The following GPC4 variants were observed in gnomAD, a reference collection of about 807,000 sequenced individuals.
The protein encoded by GPC4 is glypican 4, also known as glypican-4.
GPC4 carries 10 observed loss-of-function variants against 35.0 expected under a neutral mutation model. The observed-to-expected ratio is 0.29, with a 90% CI of 0.18 to 0.48. GPC4 has a LOEUF of 0.48. Ranked by LOEUF, GPC4 falls within the 20% of genes least tolerant of loss-of-function variation. The probability of loss-of-function intolerance (pLI) is 0.99; values close to 1 mark genes in which losing one functional copy is unlikely to be tolerated. For synonymous variants in GPC4, 167 were observed against 170.2 expected (o/e 0.98, Z 0.15); for missense variants, 322 against 451.3 (o/e 0.71, Z 2.60).
intron 2 of GPC4, among the ~76,000 whole-genome samples, chrX:133,332,848 A>G (rs925914428): frequency 8.9e-6 from 1 of 112,636 alleles, no homozygotes. Context: ...ATAAGTGTTT[A>G]TGCAGATCTT....
intron 1 of GPC4, among the ~76,000 whole-genome samples, chrX:133,385,117 A>G (rs1203311961): frequency 8.9e-6 from 1 of 112,452 alleles, no homozygotes; most frequent in African/African-American, 3.2e-5. Flanking sequence ...CTGTGAGTGA[A>G]TAAAGTAAGT....
At chrX:133,359,617 T>A (rs904896694) in intron 1 of GPC4, among the ~76,000 whole-genome samples, 5 of 111,109 alleles carry the variant, frequency 4.5e-5, no homozygotes, top group Middle Eastern at 4.6e-3. Context: ...AGGGCTAAAA[T>A]GGAGATGGTG....
At chrX:133,303,954 G>GAAGGAAGGAAGGAAGGAAGGAAGC (rs1315046942) in intron 7 of GPC4, among the ~76,000 whole-genome samples, 27 of 108,200 alleles carry the variant, frequency 2.5e-4, no homozygotes, top group African/African-American at 7.8e-4. Context: ...AGGAAGGAAG[G>GAAGGAAGGAAGGAAGGAAGGAAGC]AAGCTAGCTA....
intron 1 of GPC4, among the ~76,000 whole-genome samples, chrX:133,364,746 T>C (rs1235940698): frequency 1.8e-5 from 2 of 112,007 alleles, no homozygotes; most frequent in Non-Finnish European, 3.8e-5. Flanking sequence ...CATAATCAAC[T>C]CTCAGGATCA....
At chrX:133,368,317 A>T (rs2068598689) in intron 1 of GPC4, among the ~76,000 whole-genome samples, 1 of 111,557 alleles carries the variant, frequency 9.0e-6, no homozygotes, top group East Asian at 2.8e-4. Context: ...AATTATGTGG[A>T]TAGCCAACCT....
intron 3 of GPC4, among the ~76,000 whole-genome samples, chrX:133,319,589 T>C (rs752625530): frequency 2.9e-4 from 32 of 109,122 alleles, no homozygotes; most frequent in Non-Finnish European, 5.1e-4. Context: ...CCGAAGCAAT[T>C]AATATTACTG....
At chrX:133,384,711 G>A (rs1569354075) in intron 1 of GPC4, among the ~76,000 whole-genome samples, 1 of 111,746 alleles carries the variant, frequency 8.9e-6, no homozygotes, top group African/African-American at 3.3e-5. Context: ...AAAAAGGAGT[G>A]CTGAGAAGCT....
intron 1 of GPC4, among the ~76,000 whole-genome samples, chrX:133,344,256 G>T (rs1454286938): frequency 1.6e-4 from 8 of 49,802 alleles, no homozygotes; most frequent in East Asian, 6.8e-4. Flanking sequence ...ATGGAGTTTC[G>T]CTCCTGTTGC....
intron 1 of GPC4, among the ~76,000 whole-genome samples, chrX:133,350,271 C>T (rs1444733966): frequency 9.0e-6 from 1 of 111,310 alleles, no homozygotes; most frequent in Non-Finnish European, 1.9e-5. Context: ...GCCTGTAATC[C>T]TAGCACTTTG....
Position 133,321,006 on chromosome X carries a change from C to A in GPC4, c.711+3139G>T, listed in dbSNP as rs183431824. Among the ~76,000 whole-genome samples the A allele has an allele frequency of 2.3e-4, 26 of 111,607 alleles. No individual in the cohort carries two copies. The South Asian group carries it at 7.9e-3, about 34-fold the overall frequency. On this transcript the variant is annotated intron_variant, in intron 3 of 8. Coordinates refer to ENST00000370828, the MANE Select transcript of GPC4 (RefSeq NM_001448.3). Reference sequence around the variant, plus strand: ...GCAGTGAGCTATGATTGTGCCACTGCGCTCCAGCCTGGGTGAAAGAGCAAG... The same window carrying A: ...GCAGTGAGCTATGATTGTGCCACTGAGCTCCAGCCTGGGTGAAAGAGCAAG...
chrX:133,413,398 A>G (rs2068821210), intron 1 of GPC4, among the ~76,000 whole-genome samples: 1 of 112,218 alleles, frequency 8.9e-6, no homozygotes, highest in Non-Finnish European at 1.9e-5. Context: ...ACTTCCCTCA[A>G]TTACCTTTGT....
Position 133,311,385 on chromosome X carries a change from C to T in GPC4, c.750G>A (p.Lys250=), listed in dbSNP as rs1374802637. ...CCCGGCAGTGGGAGCAGTAGATCATCTTCAACAGGGCATGGGTACACTGGG... is the reference window on the plus strand; with the variant it reads ...CCCGGCAGTGGGAGCAGTAGATCATTTTCAACAGGGCATGGGTACACTGGG... The part of the protein sequence containing the change: ...PTAQCTHALL[K]MIYCSHCRGL... Residue 250 remains lysine (K), a synonymous_variant, in exon 4 of 9, where the codon AAG becomes AAA. Transcript: ENST00000370828. The T allele has an allele frequency of 2.5e-6, 3 of 1,209,990 alleles. No individual in the cohort carries two copies. The highest frequency in any genetic ancestry group is 3.4e-6 in the Non-Finnish European group (3 of 895,065).
intron 1 of GPC4, among the ~76,000 whole-genome samples, chrX:133,348,605 A>G (rs773503979): frequency 8.9e-5 from 10 of 112,426 alleles, no homozygotes; most frequent in African/African-American, 2.9e-4. Context: ...ATATCTTGGT[A>G]GCATCGTTTG....
At chrX:133,347,256 T>TTG (rs1353427072) in intron 1 of GPC4, among the ~76,000 whole-genome samples, 2 of 88,100 alleles carry the variant, frequency 2.3e-5, no homozygotes, top group African/African-American at 9.1e-5. Flanking sequence ...AAGTTTTTTT[T>TTG]TTTTTTTTTT....
intron 2 of GPC4, among the ~76,000 whole-genome samples, chrX:133,325,038 T>C (rs1452999075): frequency 9.0e-6 from 1 of 111,398 alleles, no homozygotes; most frequent in Non-Finnish European, 1.9e-5. Context: ...TCATTTCTCC[T>C]TTTCACTTAT....
intron 2 of GPC4, among the ~76,000 whole-genome samples, chrX:133,336,402 G>C (rs1223750856): frequency 1.8e-5 from 2 of 110,870 alleles, no homozygotes; most frequent in Non-Finnish European, 3.8e-5. Flanking sequence ...GGGCGTGGTG[G>C]TGTGTTCCTG....
chrX:133,315,188 G>C (rs1382321441), intron 3 of GPC4, among the ~76,000 whole-genome samples: 2 of 106,904 alleles, frequency 1.9e-5, no homozygotes, highest in Non-Finnish European at 3.8e-5. Flanking sequence ...CCCAAAATCT[G>C]AAATGCTCCA....
intron 3 of GPC4, among the ~76,000 whole-genome samples, chrX:133,313,281 T>C (rs2068324341): frequency 1.8e-5 from 2 of 112,483 alleles, no homozygotes; most frequent in Admixed American, 1.9e-4. Context: ...ATTCCCCTCA[T>C]CCCAAACAAG....
chrX:133,336,395 C>T (rs1569345851), intron 2 of GPC4, among the ~76,000 whole-genome samples: 1 of 110,166 alleles, frequency 9.1e-6, no homozygotes. Context: ...ATTAGCTGGG[C>T]GTGGTGGTGT....
Sources: gnomAD v4.1 joint callset for allele counts (sites outside exome capture counted in the v4.1 genomes callset) on GRCh38, gnomAD v4.1.1 for gene constraint, MANE v1.5 for transcripts, NCBI Gene and HGNC (gene_info 2026-07-23, HGNC 2026-07-21) for gene names.